Variants in CDH13 observed in about 807,000 individuals in gnomAD.
The protein encoded by CDH13 is cadherin-13.
Under a neutral mutation model 63.8 loss-of-function variants are expected in CDH13, and 24 were observed. That is an observed-to-expected ratio of 0.38 (90% CI 0.27 to 0.53). The LOEUF is 0.53. Among genes scored for constraint, CDH13 ranks in the 20% least tolerant of loss-of-function variants. CDH13 has a pLI of 0.85. For synonymous variants in CDH13, 503 were observed against 355.3 expected (o/e 1.42, Z -4.67); for missense variants, 1,049 against 903.1 (o/e 1.16, Z -2.07).
intron 7 of CDH13, among the ~76,000 whole-genome samples, chr16:83,533,394 G>A (rs919404538): frequency 6.6e-6 from 1 of 152,104 alleles, no homozygotes; most frequent in African/African-American, 2.4e-5. Flanking sequence ...GATGGGAGGT[G>A]CCTCCCACAC....
rs969152159 is a variant in CDH13 at position 83,796,334 on chromosome 16, T to C, written c.*1304T>C. 1 of 152,228 alleles carries C rather than the reference T, an allele frequency of 6.6e-6. No homozygotes were observed. Among genetic ancestry groups the C allele is most frequent in the African/African-American group, 2.4e-5 (1 of 41,462 alleles). The allele number at this position is 152,228 out of a possible 1,614,324, so 9.4% of individuals were successfully genotyped here. On this transcript the variant is annotated 3_prime_UTR_variant, in exon 14 of 14. Transcript: ENST00000567109. ...CACGAACTAGGGTAAGGTGAGTGTC[T>C]TAGCATATTTTAATGCAGTTGCTTA...
intron 4 of CDH13, among the ~76,000 whole-genome samples, chr16:83,186,955 A>G (rs1247711383): frequency 6.6e-6 from 1 of 150,920 alleles, no homozygotes; most frequent in African/African-American, 2.5e-5. Context: ...TTTTATGAAT[A>G]AAATTTATTT....
intron 10 of CDH13, among the ~76,000 whole-genome samples, chr16:83,690,424 G>T (rs1304024613): frequency 2.0e-5 from 3 of 152,210 alleles, no homozygotes; most frequent in Non-Finnish European, 4.4e-5. Context: ...CCCGGGTGGA[G>T]AGGTCCAGGT....
At chr16:83,492,008 A>C (rs1453608606) in intron 7 of CDH13, among the ~76,000 whole-genome samples, 11 of 152,172 alleles carry the variant, frequency 7.2e-5, no homozygotes, top group Non-Finnish European at 1.5e-5. Flanking sequence ...AGAGAAGAAA[A>C]CTGAAGAATG....
intron 2 of CDH13, among the ~76,000 whole-genome samples, chr16:83,029,080 A>G (rs1916075569): frequency 1.3e-5 from 2 of 152,312 alleles, no homozygotes; most frequent in South Asian, 4.1e-4. Flanking sequence ...GTCATTGTAA[A>G]GATTAACTAA....
At chr16:83,381,004 ATAAC>A (rs1469928834) in intron 6 of CDH13, among the ~76,000 whole-genome samples, 2 of 152,114 alleles carry the variant, frequency 1.3e-5, no homozygotes, top group African/African-American at 4.8e-5. Flanking sequence ...CTATAATTAA[ATAAC>A]TATGTTCCTA....
chr16:83,099,452 T>C (rs1197486085), intron 3 of CDH13, among the ~76,000 whole-genome samples: 1 of 151,472 alleles, frequency 6.6e-6, no homozygotes, highest in Non-Finnish European at 1.5e-5. Flanking sequence ...GCCTCCAGAG[T>C]AGCTGGGATT....
chr16:83,032,971 A>T (rs990718651), intron 3 of CDH13, among the ~76,000 whole-genome samples: 2 of 152,204 alleles, frequency 1.3e-5, no homozygotes, highest in Admixed American at 1.3e-4. Context: ...GTATGTGTAC[A>T]TATGTGTACA....
At chr16:82,856,244 C>T (rs909462147) in intron 1 of CDH13, among the ~76,000 whole-genome samples, 5 of 151,498 alleles carry the variant, frequency 3.3e-5, no homozygotes, top group East Asian at 1.9e-4. Flanking sequence ...GGTATGGTGG[C>T]GGGCGCCTGT....
chr16:83,700,265 C>T (rs1356694861), intron 10 of CDH13, among the ~76,000 whole-genome samples: 1 of 152,184 alleles, frequency 6.6e-6, no homozygotes, highest in Non-Finnish European at 1.5e-5. Flanking sequence ...TCACCAGTTA[C>T]ACAGAGACAA....
chr16:83,164,421 A>T (rs2037575404), intron 4 of CDH13, among the ~76,000 whole-genome samples: 2 of 152,066 alleles, frequency 1.3e-5, no homozygotes, highest in Non-Finnish European at 2.9e-5. Context: ...AGCATCATTT[A>T]TTGAAAAACT....
At chr16:83,372,665 T>C (rs1246240261) in intron 6 of CDH13, among the ~76,000 whole-genome samples, 2 of 143,918 alleles carry the variant, frequency 1.4e-5, no homozygotes, top group African/African-American at 2.6e-5. Flanking sequence ...AGCAGGAGAA[T>C]GGCTTGAATC....
chr16:82,657,161 C>G (rs555969240), intron 1 of CDH13, among the ~76,000 whole-genome samples: 25 of 147,748 alleles, frequency 1.7e-4, no homozygotes, highest in African/African-American at 5.5e-4. Flanking sequence ...TGTACCAAGC[C>G]CTACATACAT....
chr16:82,992,376 T>C, intron 2 of CDH13, among the ~76,000 whole-genome samples: 1 of 152,216 alleles, frequency 6.6e-6, no homozygotes, highest in Non-Finnish European at 1.5e-5. Context: ...TTTTGATATA[T>C]ACAATCAGAG....
chr16:82,973,590 C>A (rs983424970), intron 2 of CDH13, among the ~76,000 whole-genome samples: 2 of 152,198 alleles, frequency 1.3e-5, no homozygotes, highest in Non-Finnish European at 2.9e-5. Flanking sequence ...CAAACCAACA[C>A]AAGACAGTGT....
intron 8 of CDH13, among the ~76,000 whole-genome samples, chr16:83,667,896 C>T (rs1234332643): frequency 1.3e-5 from 2 of 152,120 alleles, no homozygotes; most frequent in Non-Finnish European, 2.9e-5. Flanking sequence ...TTCCTGGGCT[C>T]AAGTGATCCT....
chr16:83,062,398 G>T (rs1268220250), intron 3 of CDH13, among the ~76,000 whole-genome samples: 1 of 152,052 alleles, frequency 6.6e-6, no homozygotes, highest in African/African-American at 2.4e-5. Flanking sequence ...TTAACATTTA[G>T]CTTAGTGCCT....
chr16:82,663,926 A>G (rs1912280931), intron 1 of CDH13, among the ~76,000 whole-genome samples: 1 of 152,150 alleles, frequency 6.6e-6, no homozygotes, highest in Non-Finnish European at 1.5e-5. Context: ...ACCATGGCGC[A>G]TTCTGCAGCA....
At chr16:83,506,486 C>T (rs373377359) in intron 7 of CDH13, among the ~76,000 whole-genome samples, 3 of 152,326 alleles carry the variant, frequency 2.0e-5, no homozygotes, top group Admixed American at 6.5e-5. Flanking sequence ...TGTACCACTA[C>T]GTTCCTAACT....
Sources: gnomAD v4.1 joint callset for allele counts (sites outside exome capture counted in the v4.1 genomes callset) on GRCh38, gnomAD v4.1.1 for gene constraint, MANE v1.5 for transcripts, NCBI Gene and HGNC (gene_info 2026-07-23, HGNC 2026-07-21) for gene names.